Variants in AKR1C3 observed in about 807,000 individuals in gnomAD.
AKR1C3 encodes the protein 3-alpha hydroxysteroid dehydrogenase, type II.
In AKR1C3, 48 loss-of-function variants were observed where a neutral mutation model predicts 43.6. The ratio of observed to expected loss-of-function variants is 1.10; its 90% CI spans 0.87 to 1.40. The LOEUF (loss-of-function observed/expected upper bound fraction) is 1.40. Ranked by LOEUF, AKR1C3 falls within the 40% of genes most tolerant of loss-of-function variation. The probability of loss-of-function intolerance (pLI) is 0.00; values close to 1 mark genes in which losing one functional copy is unlikely to be tolerated. For synonymous variants in AKR1C3, 162 were observed against 139.6 expected, an observed-to-expected ratio of 1.16 and a Z score of -1.13; for missense variants, 482 against 391.2, an observed-to-expected ratio of 1.23 and a Z score of -1.96.
At chr10:5,106,807 T>G (rs902864433) in intron 8 of AKR1C3, among the ~76,000 whole-genome samples, 2 of 151,068 alleles carry the variant, frequency 1.3e-5, no homozygotes, top group Non-Finnish European at 2.9e-5. Flanking sequence ...TTTTAACAAG[T>G]GATAGGGTGA....
rs924111176 is a variant in AKR1C3, at chr10:5,094,591, G to A, written c.84+63G>A. On this transcript the variant is annotated intron_variant, in intron 1 of 8. Coordinates refer to ENST00000380554, the MANE Select transcript of AKR1C3 (RefSeq NM_003739.6). ...AATAAACCTAGTAGAAGTGAAACCC[G>A]TATTGGGTTGTAAGGTTCGTGTTCC... 50 of 1,550,968 alleles carry A rather than the reference G, an allele frequency of 3.2e-5. No individual in the cohort carries two copies. The African/African-American group carries it at 5.4e-4, about 17-fold the overall frequency.
chr10:5,085,851 G>T (rs1485185602), intron 1 of AKR1C3, among the ~76,000 whole-genome samples: 4 of 151,862 alleles, frequency 2.6e-5, no homozygotes, highest in African/African-American at 9.7e-5. Context: ...AGATTTTCTA[G>T]TTTATTTGCA....
Position 5,107,497 on chromosome 10 carries a change from A to T in AKR1C3, c.966A>T (p.Glu322Asp). 6.3e-7 allele frequency: 1 copy of T among 1,588,918 alleles called. No individual in the cohort carries two copies. Among genetic ancestry groups the T allele is most frequent in the East Asian group, 2.2e-5 (1 of 44,718 alleles). ...ACCCTAATTATCCATATTCAGATGA[A>T]TATTAACATGGAGGGCTTTGCCTGA... ...ASHPNYPYSDEY is the reference protein window; with the variant it reads ...ASHPNYPYSDDY The change falls in exon 9 of 9, where the codon GAA becomes GAT. Residue 322 changes from glutamate (E) to aspartate (D), a missense_variant. By Grantham distance (45) the Glu-to-Asp change is conservative (BLOSUM62 2). Transcript: ENST00000380554.
chr10:5,051,212 C>A (rs543711411), intron 1 of AKR1C3, among the ~76,000 whole-genome samples: 9 of 152,298 alleles, frequency 5.9e-5, no homozygotes, highest in Non-Finnish European at 1.0e-4. Flanking sequence ...TCTCGTGTCT[C>A]AGCCTCCCAA....
At chr10:5,090,851 G>T (rs1184914651), upstream of AKR1C3, among the ~76,000 whole-genome samples, 2 of 152,162 alleles carry the variant, frequency 1.3e-5, no homozygotes, top group Admixed American at 6.6e-5. Context: ...AAGTGAGACT[G>T]TTCTGTCCTA....
intron 7 of AKR1C3, among the ~76,000 whole-genome samples, chr10:5,103,589 G>C (rs1055165519): frequency 3.3e-5 from 5 of 152,084 alleles, no homozygotes; most frequent in African/African-American, 7.2e-5. Context: ...GATGTCAATG[G>C]GACATTTGTC....
chr10:5,081,275 A>G (rs953998812), intron 1 of AKR1C3, among the ~76,000 whole-genome samples: 6 of 133,732 alleles, frequency 4.5e-5, no homozygotes, highest in East Asian at 3.0e-4. Context: ...TTCAACTCAA[A>G]AGCTTTGATT....
At chr10:5,085,353 G>A (rs1838938666) in intron 1 of AKR1C3, among the ~76,000 whole-genome samples, 1 of 151,762 alleles carries the variant, frequency 6.6e-6, no homozygotes, top group Admixed American at 6.6e-5. Context: ...TTTGTCTTTG[G>A]TTCTGTTTAT....
At chr10:5,075,908 G>A (rs961545265) in intron 1 of AKR1C3, among the ~76,000 whole-genome samples, 20 of 151,118 alleles carry the variant, frequency 1.3e-4, no homozygotes, top group African/African-American at 4.4e-4. Flanking sequence ...TGGGAGTCAC[G>A]GGGGCTCGGA....
intron 1 of AKR1C3, among the ~76,000 whole-genome samples, chr10:5,066,681 T>TAGATAAAG (rs1554780832): frequency 6.6e-6 from 1 of 152,212 alleles, no homozygotes; most frequent in African/African-American, 2.4e-5. Context: ...AAGAATGAGC[T>TAGATAAAG]AGATAAAGAG....
chr10:5,052,069 G>A (rs1564350750), intron 1 of AKR1C3, among the ~76,000 whole-genome samples: 1 of 152,186 alleles, frequency 6.6e-6, no homozygotes, highest in Non-Finnish European at 1.5e-5. Context: ...AAGGCAGCGT[G>A]TCCAGAGTTT....
chr10:5,107,465 G>A lies in AKR1C3; in HGVS notation c.934G>A (p.Ala312Thr), dbSNP rs1049140902. The A allele has an allele frequency of 1.9e-6, 3 of 1,575,718 alleles. No individual in the cohort carries two copies. The highest frequency in any genetic ancestry group is 2.6e-6 in the Non-Finnish European group (3 of 1,145,852). ...TATACATTATTCTCTTTTCAGTTTT[G>A]CTAGCCACCCTAATTATCCATATTC... ...NLHYFNSDSF[A>T]SHPNYPYSDE... The change falls in exon 9 of 9, where the codon GCT becomes ACT. Residue 312 changes from alanine to threonine, a missense_variant. Coordinates refer to ENST00000380554, the MANE Select transcript of AKR1C3 (RefSeq NM_003739.6).
At chr10:5,084,484 G>A (rs1329675508) in intron 1 of AKR1C3, among the ~76,000 whole-genome samples, 1 of 151,874 alleles carries the variant, frequency 6.6e-6, no homozygotes, top group Non-Finnish European at 1.5e-5. Context: ...CTGTAGCCTT[G>A]TAGTATAGTT....
chr10:5,079,551 G>C (rs1025195840), intron 1 of AKR1C3, among the ~76,000 whole-genome samples: 1 of 139,482 alleles, frequency 7.2e-6, no homozygotes, highest in East Asian at 2.2e-4. Context: ...AGGAAAAACA[G>C]ACTGAGATCC....
chr10:5,086,193 G>C (rs1157099841), intron 1 of AKR1C3, among the ~76,000 whole-genome samples: 1 of 151,728 alleles, frequency 6.6e-6, no homozygotes, highest in Middle Eastern at 3.2e-3. Flanking sequence ...CATCTTTCCT[G>C]CTTTGTCTTG....
chr10:5,081,334 G>A (rs113470989), intron 1 of AKR1C3, among the ~76,000 whole-genome samples: 153 of 152,192 alleles, frequency 1.0e-3, no homozygotes, highest in African/African-American at 3.6e-3. Flanking sequence ...TTATAAGGAT[G>A]GTGTCACCTT....
At chr10:5,061,332 AAC>A (rs1164932673) in intron 1 of AKR1C3, among the ~76,000 whole-genome samples, 1 of 152,164 alleles carries the variant, frequency 6.6e-6, no homozygotes, top group South Asian at 2.1e-4. Flanking sequence ...GGAACAAGAA[AAC>A]ACACAGCATG....
intron 1 of AKR1C3, among the ~76,000 whole-genome samples, chr10:5,082,920 C>G (rs1378676647): frequency 4.6e-5 from 7 of 152,032 alleles, no homozygotes; most frequent in Admixed American, 1.3e-4. Context: ...CTCTCTGGTC[C>G]CACGCTATTT....
chr10:5,079,054 A>G (rs1554782116), intron 1 of AKR1C3, among the ~76,000 whole-genome samples: 1 of 152,198 alleles, frequency 6.6e-6, no homozygotes, highest in African/African-American at 2.4e-5. Flanking sequence ...TAGACCTTCC[A>G]GTAGCCAGCC....
Sources: allele counts gnomAD v4.1 joint callset (sites outside exome capture counted in the v4.1 genomes callset), GRCh38; gene constraint gnomAD v4.1.1; transcripts MANE v1.5; gene names NCBI Gene and HGNC (gene_info 2026-07-23, HGNC 2026-07-21).